The following AGTPBP1 variants were observed in gnomAD, a reference collection of about 807,000 sequenced individuals.
The protein encoded by AGTPBP1 is cytosolic carboxypeptidase 1.
Under a neutral mutation model 143.9 loss-of-function variants are expected in AGTPBP1, and 70 were observed. The observed-to-expected ratio is 0.49, with a 90% CI of 0.40 to 0.59. The LOEUF (loss-of-function observed/expected upper bound fraction) is 0.59, where lower values mean the gene tolerates loss of function less well. AGTPBP1 is among the 20% of genes least tolerant of loss of function. AGTPBP1 has a pLI of 0.00. For missense variants in AGTPBP1, 1,229 were observed against 1,464.5 expected (o/e 0.84, Z 2.62); for synonymous variants, 463 against 500.2 (o/e 0.93, Z 0.99).
chr9:85,641,196 G>A (rs1037290121), intron 13 of AGTPBP1, among the ~76,000 whole-genome samples: 9 of 152,148 alleles, frequency 5.9e-5, no homozygotes, highest in African/African-American at 1.7e-4. Context: ...GGGGCCTACC[G>A]TATATATTTC....
chr9:85,574,711 C>CT (rs568128403), intron 25 of AGTPBP1, among the ~76,000 whole-genome samples: 3,091 of 142,048 alleles, frequency 0.022, 43 homozygotes, highest in Middle Eastern at 0.062. Context: ...GACTCTAAGC[C>CT]TTTTTTTTTT....
chr9:85,683,749 A>G (rs1835329038), intron 3 of AGTPBP1, among the ~76,000 whole-genome samples: 1 of 152,068 alleles, frequency 6.6e-6, no homozygotes. Flanking sequence ...TCTGCCTCTG[A>G]TATCTTAATC....
chr9:85,717,647 G>C (rs1837796173), intron 1 of AGTPBP1, among the ~76,000 whole-genome samples: 2 of 151,786 alleles, frequency 1.3e-5, no homozygotes, highest in Non-Finnish European at 2.9e-5. Flanking sequence ...GGTCATAAGG[G>C]TGGAGGCTTC....
intron 25 of AGTPBP1, among the ~76,000 whole-genome samples, chr9:85,557,690 A>C (rs1325792859): frequency 6.6e-6 from 1 of 152,246 alleles, no homozygotes; most frequent in Non-Finnish European, 1.5e-5. Context: ...TAAGTATTAG[A>C]CACTACTGTT....
At chr9:85,672,222 C>G (rs1374749498) in intron 7 of AGTPBP1, among the ~76,000 whole-genome samples, 1 of 152,146 alleles carries the variant, frequency 6.6e-6, no homozygotes, top group Non-Finnish European at 1.5e-5. Flanking sequence ...GCGCCCACCA[C>G]CATGCCCAGC....
At chr9:85,753,999 CA>C in the AGTPBP1 span, among the ~76,000 whole-genome samples, 2 of 152,054 alleles carry the variant, frequency 1.3e-5, no homozygotes, top group African/African-American at 4.8e-5. Context: ...TCCTGTTGCC[CA>C]AGTAGTGAAA....
intron 2 of AGTPBP1, among the ~76,000 whole-genome samples, chr9:85,711,839 G>A (rs1837396770): frequency 6.6e-6 from 1 of 152,152 alleles, no homozygotes. Context: ...TAATAGAAAA[G>A]TGGCCACAGA....
chr9:85,737,101 A>G lies in AGTPBP1; in HGVS notation c.-34+4674T>C, dbSNP rs539202531. Among the ~76,000 whole-genome samples the G allele has an allele frequency of 1.2e-3, 190 of 152,364 alleles. 2 individuals carry two copies. Among genetic ancestry groups the G allele is most frequent in the African/African-American group, 3.8e-3 (158 of 41,590 alleles). On this transcript the variant is annotated intron_variant, in intron 1 of 25. Transcript: ENST00000357081. The stretch of plus-strand genomic sequence containing the variant: ...AGCCTGGGCGACAGAGCAAGACTCC[A>G]TCTCAAAAAATAAAAAATAAAAAGA...
chr9:85,769,375 T>G, the AGTPBP1 span, among the ~76,000 whole-genome samples: 3 of 151,850 alleles, frequency 2.0e-5, no homozygotes, highest in Non-Finnish European at 4.4e-5. Context: ...CAACATAACA[T>G]GTATTTGGAT....
chr9:85,605,983 A>G (rs1403320025), intron 17 of AGTPBP1, among the ~76,000 whole-genome samples: 1 of 152,090 alleles, frequency 6.6e-6, no homozygotes. Context: ...GAAAGAGGGA[A>G]AGAAGAGAGG....
Position 85,660,936 on chromosome 9 carries a change from T to C in AGTPBP1, c.700A>G (p.Lys234Glu). Residue 234 changes from lysine (K) to glutamate (E), a missense_variant and splice_region_variant, in exon 9 of 26, where the codon AAA (lysine) becomes GAA (glutamate). Lys to Glu is a moderately conservative substitution (Grantham distance 56). Coordinates refer to ENST00000357081, the MANE Select transcript of AGTPBP1 (RefSeq NM_001330701.2). ...GTATTTCTAGTATTTAAAAACTTAC[T>C]TGATTTTAGCAATGCAGCAAGAGTG... ...LDTLAALLKS[K>E]TNARRAVDRG... The C allele has an allele frequency of 6.3e-7, 1 of 1,582,948 alleles. No homozygotes were observed. The highest frequency in any genetic ancestry group is 8.6e-7 in the Non-Finnish European group (1 of 1,167,002).
chr9:85,694,823 C>A (rs1836123820), intron 2 of AGTPBP1, among the ~76,000 whole-genome samples: 1 of 152,260 alleles, frequency 6.6e-6, no homozygotes, highest in African/African-American at 2.4e-5. Flanking sequence ...ACCTAACCAG[C>A]CCAATATAAA....
chr9:85,669,193 G>A (rs1229502388), intron 8 of AGTPBP1, among the ~76,000 whole-genome samples: 1 of 151,636 alleles, frequency 6.6e-6, no homozygotes, highest in Non-Finnish European at 1.5e-5. Flanking sequence ...GTTTCTGAAT[G>A]AATACTCTAT....
intron 2 of AGTPBP1, among the ~76,000 whole-genome samples, chr9:85,698,576 A>G (rs1392640337): frequency 2.6e-5 from 4 of 152,038 alleles, no homozygotes; most frequent in African/African-American, 9.7e-5. Flanking sequence ...TGCAAATGAA[A>G]GAAAAAAAGC....
At position 85,655,080 on chromosome 9, in the gene AGTPBP1, A is replaced by C; in HGVS notation, c.1087+63T>G. Reference sequence around the variant, plus strand: ...TGAGGAGTTAGACATAAATAAAAAGAAAATCACAGGGTCACATAATTCTAA... The same window carrying C: ...TGAGGAGTTAGACATAAATAAAAAGCAAATCACAGGGTCACATAATTCTAA... On this transcript the variant is annotated intron_variant, in intron 11 of 25. Transcript: ENST00000357081. 5.0e-6 allele frequency: 7 copies of C among 1,407,620 alleles called. No homozygotes were observed. The African/African-American group carries it at 5.9e-5, about 12-fold the overall frequency. The allele number at this position is 1,407,620 out of a possible 1,614,324, so 87.2% of individuals were successfully genotyped here. A position where few individuals can be genotyped will look rare whatever the true frequency, so the allele number is the denominator to read the frequency against.
chr9:85,801,999 C>A, the AGTPBP1 span, among the ~76,000 whole-genome samples: 36 of 152,118 alleles, frequency 2.4e-4, no homozygotes, highest in Non-Finnish European at 1.9e-4. Flanking sequence ...ACTTCAAAAT[C>A]CTTACTGTGT....
intron 9 of AGTPBP1, among the ~76,000 whole-genome samples, chr9:85,660,087 A>T (rs1030409079): frequency 3.8e-4 from 52 of 138,514 alleles, no homozygotes; most frequent in Middle Eastern, 4.0e-3. Flanking sequence ...GCTATTATTT[A>T]AAAAAAAAAA....
chr9:85,611,345 A>T (rs1410568998), intron 17 of AGTPBP1, among the ~76,000 whole-genome samples: 1 of 151,756 alleles, frequency 6.6e-6, no homozygotes, highest in Non-Finnish European at 1.5e-5. Context: ...CAAACAACAA[A>T]ATCCAACCTC....
chr9:85,779,196 TATAGATATAGATATAGATATAG>T, the AGTPBP1 span, among the ~76,000 whole-genome samples: 15 of 90,784 alleles, frequency 1.7e-4, no homozygotes, highest in African/African-American at 4.7e-4. Flanking sequence ...TAGATATAGA[TATAGATATAGATATAGATATAG>T]ATATAGATAT....
Sources: allele counts gnomAD v4.1 joint callset (sites outside exome capture counted in the v4.1 genomes callset), GRCh38; gene constraint gnomAD v4.1.1; transcripts MANE v1.5; gene names NCBI Gene and HGNC (gene_info 2026-07-23, HGNC 2026-07-21).